NT5DC3: variants seen among roughly 807,000 people sequenced by gnomAD.
NT5DC3 encodes 5'-nucleotidase domain containing 3.
Under a neutral mutation model 67.8 loss-of-function variants are expected in NT5DC3, and 42 were observed. The observed-to-expected ratio is 0.62, with a 90% CI of 0.48 to 0.80. The LOEUF is 0.80. NT5DC3 is among the 30% of genes least tolerant of loss of function. The pLI is 0.00. For synonymous variants in NT5DC3, 237 were observed against 255.6 expected (o/e 0.93, Z 0.69); for missense variants, 570 against 696.4 (o/e 0.82, Z 2.04).
chr12:103,797,036 A>C lies in NT5DC3; in HGVS notation c.616-5T>G. ...CATCGTGTTTCCATGAGAGCTCTGC[A>C]GACAGGGTGGAAGGAATGCTTTAGA... On this transcript the variant is annotated splice_region_variant and splice_polypyrimidine_tract_variant and intron_variant, in intron 5 of 13. Transcript: ENST00000392876. 6.2e-7 allele frequency: 1 copy of C among 1,614,114 alleles called. No homozygotes were observed. Among genetic ancestry groups the C allele is most frequent in the Non-Finnish European group, 8.5e-7 (1 of 1,180,010 alleles).
the NT5DC3 span, among the ~76,000 whole-genome samples, chr12:103,761,922 G>T: frequency 2.2e-4 from 33 of 152,182 alleles, no homozygotes; most frequent in Non-Finnish European, 8.8e-5. Flanking sequence ...GAGGTGAGCT[G>T]CTGGAGAGTT....
At chr12:103,747,619 A>T in the NT5DC3 span, among the ~76,000 whole-genome samples, 1 of 152,224 alleles carries the variant, frequency 6.6e-6, no homozygotes, top group Non-Finnish European at 1.5e-5. Context: ...ATCATTGGTC[A>T]TGCCTAGCTA....
intron 4 of NT5DC3, among the ~76,000 whole-genome samples, chr12:103,804,491 A>C (rs1174047992): frequency 6.6e-6 from 1 of 152,246 alleles, no homozygotes; most frequent in Non-Finnish European, 1.5e-5. Context: ...CAGGGAAAGT[A>C]GCAAAGGGAA....
At chr12:103,838,007 G>A (rs1007064941) in intron 1 of NT5DC3, among the ~76,000 whole-genome samples, 23 of 152,176 alleles carry the variant, frequency 1.5e-4, no homozygotes. Flanking sequence ...AGGTTTACTT[G>A]GACTTATAGT....
intron 1 of NT5DC3, among the ~76,000 whole-genome samples, chr12:103,815,989 A>G (rs1887233989): frequency 6.6e-6 from 1 of 152,186 alleles, no homozygotes; most frequent in African/African-American, 2.4e-5. Context: ...TTTGCTGCCA[A>G]CATTCTTCTA....
At chr12:103,833,315 A>G (rs4964574) in intron 1 of NT5DC3, among the ~76,000 whole-genome samples, 27,689 of 152,182 alleles carry the variant, frequency 0.18, 2,664 homozygotes, top group Middle Eastern at 0.31. Context: ...CTTTAACCAC[A>G]TCTCTCAAAA....
chr12:103,781,431 C>T (rs73192037), intron 12 of NT5DC3, among the ~76,000 whole-genome samples: 10,132 of 152,276 alleles, frequency 0.067, 405 homozygotes, highest in Middle Eastern at 0.078. Flanking sequence ...CTGAGCTCTG[C>T]GCCTTCACTC....
chr12:103,782,023 A>C (rs972105253), intron 12 of NT5DC3, among the ~76,000 whole-genome samples: 1 of 152,246 alleles, frequency 6.6e-6, no homozygotes, highest in Admixed American at 6.5e-5. Flanking sequence ...ATAAGCTTAC[A>C]AATGGGTTTT....
rs1418174207 is a variant in NT5DC3 at position 103,777,991 on chromosome 12, G to C, written c.1485C>G (p.Arg495=). The C allele has an allele frequency of 1.9e-6, 3 of 1,614,236 alleles. No individual in the cohort carries two copies. The South Asian group carries it at 3.3e-5, about 18-fold the overall frequency. ...GAGACGCCATGTAGATGTCAGCGAA[G>C]CGCGACAGGCGCCTTAGGAAGTAGG... ...NPTYFLRRLS[R]FADIYMASLS... Residue 495 remains arginine, a synonymous_variant, in exon 14 of 14, where the codon CGC becomes CGG. Coordinates refer to ENST00000392876, the MANE Select transcript of NT5DC3 (RefSeq NM_001031701.3).
intron 1 of NT5DC3, among the ~76,000 whole-genome samples, chr12:103,821,121 A>G (rs769587886): frequency 7.2e-5 from 11 of 152,230 alleles, no homozygotes; most frequent in Non-Finnish European, 1.3e-4. Flanking sequence ...TGATACAGGC[A>G]CTACAACATG....
chr12:103,764,927 A>C, the NT5DC3 span, among the ~76,000 whole-genome samples: 4 of 140,664 alleles, frequency 2.8e-5, no homozygotes, highest in Non-Finnish European at 6.2e-5. Flanking sequence ...GTGAAATCCC[A>C]TGTCTACTAA....
rs1020141660 is a variant in NT5DC3 at position 103,777,971 on chromosome 12, G to A, written c.1505C>T (p.Ala502Val). Reference sequence around the variant, plus strand: ...ATAGTTCAGGAGGCAGCTCAGAGACGCCATGTAGATGTCAGCGAAGCGCGA... The same window carrying A: ...ATAGTTCAGGAGGCAGCTCAGAGACACCATGTAGATGTCAGCGAAGCGCGA... Reference protein sequence around the residue: ...RLSRFADIYMASLSCLLNYDV... With the variant: ...RLSRFADIYMVSLSCLLNYDV... Residue 502 changes from alanine to valine, a missense_variant, in exon 14 of 14, where the codon GCG (alanine) becomes GTG (valine). Around this residue, in one of 2 missense-constraint regions of NT5DC3, gnomAD observed 466 missense variants for 608.0 expected, o/e 0.77. Transcript: ENST00000392876. The A allele has an allele frequency of 5.6e-6, 9 of 1,614,078 alleles. No individual in the cohort carries two copies. The highest frequency in any genetic ancestry group is 2.2e-5 in the East Asian group (1 of 44,874).
At chr12:103,760,838 T>A in the NT5DC3 span, among the ~76,000 whole-genome samples, 1 of 152,210 alleles carries the variant, frequency 6.6e-6, no homozygotes, top group African/African-American at 2.4e-5. Flanking sequence ...TGCTGGAGAT[T>A]TGTTAAAATG....
intron 4 of NT5DC3, 130 bp from the exon 5 acceptor site, chr12:103,798,807 A>C (rs1886434461): frequency 1.6e-6 from 1 of 638,024 alleles, no homozygotes. Flanking sequence ...AAAATGTGCC[A>C]CAAGTAAATG....
intron 1 of NT5DC3, among the ~76,000 whole-genome samples, chr12:103,837,552 G>A (rs557539596): frequency 1.9e-4 from 29 of 152,334 alleles, no homozygotes; most frequent in African/African-American, 7.0e-4. Context: ...CTTCTTGAAT[G>A]CTTTGCTGCT....
At chr12:103,826,651 G>C (rs558632546) in intron 1 of NT5DC3, among the ~76,000 whole-genome samples, 13 of 152,318 alleles carry the variant, frequency 8.5e-5, no homozygotes, top group African/African-American at 2.9e-4. Flanking sequence ...CCAGAACTAT[G>C]AAGACAATAT....
intron 2 of NT5DC3, among the ~76,000 whole-genome samples, chr12:103,812,393 T>C (rs1806010466): frequency 6.6e-6 from 1 of 152,226 alleles, no homozygotes; most frequent in Admixed American, 6.5e-5. Context: ...ATATAATTAG[T>C]ATTATAACTA....
chr12:103,779,686 C>A (rs996992009), intron 13 of NT5DC3, among the ~76,000 whole-genome samples: 1 of 152,154 alleles, frequency 6.6e-6, no homozygotes, highest in Non-Finnish European at 1.5e-5. Flanking sequence ...CTATACCCAG[C>A]GGCTGAAGAA....
the NT5DC3 span, chr12:103,753,468 A>G: frequency 1.4e-6 from 2 of 1,410,136 alleles, no homozygotes; most frequent in Admixed American, 3.8e-5. Context: ...GAGTGCAGGT[A>G]GCTCCTGGAA....
Sources: allele counts gnomAD v4.1 joint callset (sites outside exome capture counted in the v4.1 genomes callset), GRCh38; gene constraint gnomAD v4.1.1; regional missense constraint gnomAD v4.1.1; transcripts MANE v1.5; gene names NCBI Gene and HGNC (gene_info 2026-07-23, HGNC 2026-07-21).